FOLH1: variants seen among roughly 807,000 people sequenced by gnomAD.
The protein encoded by FOLH1 is glutamate carboxypeptidase 2.
A neutral mutation model predicts 93.9 loss-of-function variants in FOLH1; 54 were observed. That is an observed-to-expected ratio of 0.57 (90% confidence interval 0.46 to 0.72). FOLH1 has a LOEUF of 0.72. Among genes scored for constraint, FOLH1 ranks in the 30% least tolerant of loss-of-function variants. The pLI is 0.00. For synonymous variants in FOLH1, 249 were observed against 303.6 expected (o/e 0.82, Z 1.87); for missense variants, 571 against 892.5 (o/e 0.64, Z 4.59).
chr11:49,164,218 A>G (rs1306095360), intron 13 of FOLH1, among the ~76,000 whole-genome samples: 1 of 152,176 alleles, frequency 6.6e-6, no homozygotes, highest in African/African-American at 2.4e-5. Context: ...AAAAAATGTA[A>G]TTGTGATCTC....
intron 13 of FOLH1, among the ~76,000 whole-genome samples, chr11:49,163,085 G>C (rs1004794681): frequency 1.3e-5 from 2 of 152,092 alleles, no homozygotes; most frequent in African/African-American, 4.8e-5. Context: ...AAAGTAGCCT[G>C]GCCACGTTTT....
chr11:49,174,052 G>T (rs1239558239), intron 9 of FOLH1, among the ~76,000 whole-genome samples: 1 of 152,090 alleles, frequency 6.6e-6, no homozygotes, highest in Non-Finnish European at 1.5e-5. Flanking sequence ...TTAAGCATAT[G>T]GCTCCCTTCA....
chr11:49,195,616 C>T lies in FOLH1; in HGVS notation c.412-2722G>A, dbSNP rs1289594420. On this transcript the variant is annotated intron_variant, in intron 3 of 18. Transcript: ENST00000256999. ...GATAGATGAGAAAAGATTGCCAAAG[C>T]CAAAGTTTATTCTTTGGATACACTA... 2.6e-5 allele frequency among the ~76,000 whole-genome samples: 4 copies of T among 151,896 alleles called. No homozygotes were observed. The East Asian group carries it at 5.8e-4, about 22-fold the overall frequency.
Position 49,152,402 on chromosome 11 carries a change from T to C in FOLH1, c.1970+1444A>G, listed in dbSNP as rs1351341874. Among the ~76,000 whole-genome samples, 3 of 152,158 alleles carry C rather than the reference T, an allele frequency of 2.0e-5. No homozygotes were observed. The East Asian group carries it at 5.8e-4, about 29-fold the overall frequency. On this transcript the variant is annotated intron_variant, in intron 17 of 18. Transcript: ENST00000256999. ...AAGGCTAAAATAATTCATAATGCTATCAGAAAAGCATGGAGAGCATATGCT... is the reference window on the plus strand; with the variant it reads ...AAGGCTAAAATAATTCATAATGCTACCAGAAAAGCATGGAGAGCATATGCT...
intron 12 of FOLH1, among the ~76,000 whole-genome samples, chr11:49,166,701 A>G (rs2299649): frequency 0.069 from 10,551 of 152,202 alleles, 399 homozygotes; most frequent in Middle Eastern, 0.11. Flanking sequence ...GTATTATTTG[A>G]GAAAGAAACA....
chr11:49,198,216 TA>T (rs992993520), intron 3 of FOLH1, among the ~76,000 whole-genome samples: 4 of 150,900 alleles, frequency 2.7e-5, no homozygotes, highest in East Asian at 3.9e-4. Context: ...GACCCCATCT[TA>T]AAAAAAAACT....
intron 18 of FOLH1, among the ~76,000 whole-genome samples, chr11:49,148,138 A>G (rs1855995993): frequency 6.6e-6 from 1 of 152,038 alleles, no homozygotes; most frequent in African/African-American, 2.4e-5. Flanking sequence ...TGTTTGGCAG[A>G]AAAAAATCCA....
At chr11:49,163,510 C>G (rs1277849034) in intron 13 of FOLH1, among the ~76,000 whole-genome samples, 1 of 149,624 alleles carries the variant, frequency 6.7e-6, no homozygotes, top group Non-Finnish European at 1.5e-5. Flanking sequence ...TGCCCCCCAC[C>G]ACCACCCAAG....
intron 3 of FOLH1, among the ~76,000 whole-genome samples, chr11:49,198,826 C>T (rs1312896153): frequency 6.8e-6 from 1 of 146,912 alleles, no homozygotes; most frequent in African/African-American, 2.5e-5. Flanking sequence ...GTTGTTCAAG[C>T]TGGTCTGCAA....
At chr11:49,149,677 A>G (rs1856258403) in intron 17 of FOLH1, among the ~76,000 whole-genome samples, 1 of 151,098 alleles carries the variant, frequency 6.6e-6, no homozygotes, top group Admixed American at 6.6e-5. Flanking sequence ...ATTCTGTGAT[A>G]AAAGTTCTAA....
chr11:49,179,914 A>T lies in FOLH1; in HGVS notation c.920+3235T>A, dbSNP rs189718345. 1.1e-4 allele frequency among the ~76,000 whole-genome samples: 17 copies of T among 152,320 alleles called. 1 individual carries two copies. The East Asian group carries it at 3.3e-3, about 29-fold the overall frequency. On this transcript the variant is annotated intron_variant, in intron 7 of 18. Transcript: ENST00000256999. Reference sequence around the variant, plus strand: ...TTACTACTGACTTTACCTAATTCCTACTTCTACCACAGTGCCTGAAATATA... The same window carrying T: ...TTACTACTGACTTTACCTAATTCCTTCTTCTACCACAGTGCCTGAAATATA...
Position 49,187,197 on chromosome 11 carries a change from T to C in FOLH1, c.514-428A>G, listed in dbSNP as rs117195128. Among the ~76,000 whole-genome samples, 36 of 152,264 alleles carry C rather than the reference T, an allele frequency of 2.4e-4. 1 individual carries two copies. In the East Asian group the frequency reaches 6.8e-3, roughly 29 times the overall value. ...TTAATGGTTCTTAACAACCACCAAG[T>C]AAAGAAAAATGCACAGGTAACATCA... On this transcript the variant is annotated intron_variant, in intron 4 of 18. Transcript: ENST00000256999.
At position 49,185,828 on chromosome 11, in the gene FOLH1, T is replaced by C; in HGVS notation, c.667A>G (p.Lys223Glu). Residue 223 changes from lysine (K) to glutamate (E), a missense_variant, in exon 6 of 19, where the codon AAA becomes GAA. By Grantham distance (56) the Lys-to-Glu change is moderately conservative. This residue lies in a region of FOLH1 where 500 missense variants were observed against 822.9 expected (regional missense o/e 0.61). Coordinates refer to ENST00000256999, the MANE Select transcript of FOLH1 (RefSeq NM_004476.3). ...GGGTCGGAGTAGAGAATGACTCCTT[T>C]GGCCCCTGCCAGCTGGGCATTTTTA... Reference protein sequence around the residue: ...KVKNAQLAGAKGVILYSDPAD... With the variant: ...KVKNAQLAGAEGVILYSDPAD... The C allele has an allele frequency of 7.0e-6, 11 of 1,566,320 alleles. No individual in the cohort carries two copies. The highest frequency in any genetic ancestry group is 9.5e-6 in the Non-Finnish European group (11 of 1,160,770).
intron 3 of FOLH1, among the ~76,000 whole-genome samples, chr11:49,194,933 GT>G (rs1290336462): frequency 6.6e-6 from 1 of 151,746 alleles, no homozygotes; most frequent in Non-Finnish European, 1.5e-5. Flanking sequence ...TATATATATA[GT>G]ATAAAACAGA....
intron 13 of FOLH1, among the ~76,000 whole-genome samples, chr11:49,163,926 G>T (rs1463794321): frequency 6.6e-6 from 1 of 152,078 alleles, no homozygotes; most frequent in Non-Finnish European, 1.5e-5. Context: ...CATTTTCCTG[G>T]GTGGGGGAGG....
At position 49,171,298 on chromosome 11, in the gene FOLH1, T is replaced by C. The variant is rs755970075; in HGVS notation, c.1226-21A>G. On this transcript the variant is annotated intron_variant, in intron 10 of 18. Transcript: ENST00000256999. Reference sequence around the variant, plus strand: ...CCACCCTAAAATGTATGTGTATATATAAATGATAGAAAAAAAATTCATAAT... The same window carrying C: ...CCACCCTAAAATGTATGTGTATATACAAATGATAGAAAAAAAATTCATAAT... The C allele has an allele frequency of 4.6e-6, 7 of 1,521,646 alleles. No homozygotes were observed. In the South Asian group the frequency reaches 5.0e-5, roughly 11 times the overall value. 94.3% of individuals were successfully genotyped at this position (1,521,646 alleles called of 1,614,324 possible). A position where few individuals can be genotyped will look rare whatever the true frequency, so the allele number is the denominator to read the frequency against.
At chr11:49,179,259 G>T (rs774176234) in intron 7 of FOLH1, among the ~76,000 whole-genome samples, 24 of 152,188 alleles carry the variant, frequency 1.6e-4, no homozygotes, top group Non-Finnish European at 3.4e-4. Context: ...AAATGACTAA[G>T]ATTCCTTGAG....
Position 49,200,247 on chromosome 11 carries a change from T to C in FOLH1, c.411+8A>G. On this transcript the variant is annotated splice_region_variant and intron_variant, in intron 3 of 18. Coordinates refer to ENST00000256999, the MANE Select transcript of FOLH1 (RefSeq NM_004476.3). ...AATGTTTCTTTTATTTATTTATTTA[T>C]TTTTTACCTCATTTCCATCTTCATT... 6.6e-7 allele frequency: 1 copy of C among 1,506,690 alleles called. No individual in the cohort carries two copies. Among genetic ancestry groups the C allele is most frequent in the Non-Finnish European group, 8.9e-7 (1 of 1,126,800 alleles). The allele number at this position is 1,506,690 out of a possible 1,614,324, so 93.3% of individuals were successfully genotyped here.
chr11:49,208,537 A>G lies in FOLH1; in HGVS notation c.-128T>C. ...CTAATGCCTCGCTTATCAGCCCTGC[A>G]GGCTGGAATTCGCTCCAGACCTGGG... On this transcript the variant is annotated 5_prime_UTR_variant, in exon 1 of 19. Transcript: ENST00000256999. 1.6e-6 allele frequency: 1 copy of G among 625,834 alleles called. No homozygotes were observed. Among genetic ancestry groups the G allele is most frequent in the East Asian group, 3.0e-5 (1 of 33,870 alleles). The allele number at this position is 625,834 out of a possible 1,614,324, so 38.8% of individuals were successfully genotyped here. A position where few individuals can be genotyped will look rare whatever the true frequency, so the allele number is the denominator to read the frequency against.
Sources: gnomAD v4.1 joint callset for allele counts (sites outside exome capture counted in the v4.1 genomes callset) on GRCh38, gnomAD v4.1.1 for gene constraint, gnomAD v4.1.1 regional missense constraint, MANE v1.5 for transcripts, NCBI Gene and HGNC (gene_info 2026-07-23, HGNC 2026-07-21) for gene names.